CEP112: variants seen among roughly 807,000 people sequenced by gnomAD.
The protein encoded by CEP112 is centrosomal protein of 112 kDa.
CEP112 carries 127 observed loss-of-function variants against 153.0 expected under a neutral mutation model. The observed-to-expected ratio is 0.83, with a 90% CI of 0.72 to 0.96. The LOEUF (loss-of-function observed/expected upper bound fraction) is 0.96. CEP112 is among the 40% of genes least tolerant of loss of function. The pLI, the probability that CEP112 is intolerant of heterozygous loss-of-function variation, is 0.00. For synonymous variants in CEP112, 358 were observed against 374.4 expected, an observed-to-expected ratio of 0.96 and a Z score of 0.51; for missense variants, 1,089 against 1,101.2, an observed-to-expected ratio of 0.99 and a Z score of 0.16.
At chr17:65,741,487 G>T (rs1457892872) in intron 23 of CEP112, among the ~76,000 whole-genome samples, 1 of 150,226 alleles carries the variant, frequency 6.7e-6, no homozygotes, top group East Asian at 1.9e-4. Flanking sequence ...AAAACTGTAA[G>T]AATTAATAAC....
rs79623828 is a variant in CEP112, at chr17:65,864,802, G to A, written c.2164-12768C>T. ...AAAAACCTCCCAGATGAGTAAAGATGTAAAATGAACATCTAATTTCTCTAC... is the reference window on the plus strand; with the variant it reads ...AAAAACCTCCCAGATGAGTAAAGATATAAAATGAACATCTAATTTCTCTAC... On this transcript the variant is annotated intron_variant, in intron 20 of 26. Coordinates refer to ENST00000535342, the MANE Select transcript of CEP112 (RefSeq NM_001199165.4). 1.8e-3 allele frequency among the ~76,000 whole-genome samples: 269 copies of A among 152,174 alleles called. 1 individual carries two copies. The highest frequency in any genetic ancestry group is 6.1e-3 in the African/African-American group (255 of 41,508).
At chr17:65,928,930 G>A (rs1216263897) in intron 18 of CEP112, among the ~76,000 whole-genome samples, 1 of 152,120 alleles carries the variant, frequency 6.6e-6, no homozygotes, top group East Asian at 1.9e-4. Flanking sequence ...AGCCTTGACA[G>A]CATTAAGCTA....
At chr17:65,973,025 G>A (rs538348992) in intron 17 of CEP112, among the ~76,000 whole-genome samples, 30 of 152,266 alleles carry the variant, frequency 2.0e-4, no homozygotes, top group African/African-American at 5.1e-4. Flanking sequence ...CTTGGCCTCC[G>A]AAAGTCTTGG....
At chr17:65,669,896 T>C (rs1222751862) in intron 24 of CEP112, among the ~76,000 whole-genome samples, 8 of 132,876 alleles carry the variant, frequency 6.0e-5, no homozygotes, top group South Asian at 2.4e-4. Context: ...GAGCGAGACT[T>C]CGTCTTGAAA....
intron 20 of CEP112, among the ~76,000 whole-genome samples, chr17:65,855,621 G>T (rs1300400768): frequency 6.6e-6 from 1 of 152,164 alleles, no homozygotes; most frequent in African/African-American, 2.4e-5. Context: ...CTCTTCCCCA[G>T]TCAGGATATC....
intron 12 of CEP112, among the ~76,000 whole-genome samples, chr17:66,052,365 C>T (rs2066478943): frequency 6.6e-6 from 1 of 152,182 alleles, no homozygotes; most frequent in African/African-American, 2.4e-5. Flanking sequence ...ATGCACTGAA[C>T]ACGGACATGA....
intron 21 of CEP112, among the ~76,000 whole-genome samples, chr17:65,813,373 T>C (rs950473986): frequency 6.6e-6 from 1 of 152,092 alleles, no homozygotes; most frequent in African/African-American, 2.4e-5. Context: ...AGGAACCCAA[T>C]CAGAGCCTCG....
intron 23 of CEP112, among the ~76,000 whole-genome samples, chr17:65,734,259 C>T (rs1001076917): frequency 6.6e-6 from 1 of 152,188 alleles, no homozygotes; most frequent in Non-Finnish European, 1.5e-5. Flanking sequence ...TTACAAAGAA[C>T]TCATGGGCAT....
chr17:65,750,632 C>T, intron 22 of CEP112, 30 bp downstream of exon 22: 1 of 1,601,292 alleles, frequency 6.2e-7, no homozygotes, highest in Non-Finnish European at 8.6e-7. Flanking sequence ...TTTGGTTTTA[C>T]CCTGTTTTGT....
intron 23 of CEP112, among the ~76,000 whole-genome samples, chr17:65,702,945 C>T (rs1434782398): frequency 6.6e-6 from 1 of 152,146 alleles, no homozygotes; most frequent in Non-Finnish European, 1.5e-5. Context: ...CCTCCCATGA[C>T]ACGTGGGGAT....
intron 21 of CEP112, among the ~76,000 whole-genome samples, chr17:65,769,906 A>G (rs1461296766): frequency 6.6e-6 from 1 of 152,098 alleles, no homozygotes; most frequent in Admixed American, 6.6e-5. Flanking sequence ...ATGCCAGGGC[A>G]GAAACTGGAA....
chr17:65,919,594 A>G lies in CEP112; in HGVS notation c.1980+7988T>C, dbSNP rs148239509. 7.2e-4 allele frequency among the ~76,000 whole-genome samples: 110 copies of G among 152,292 alleles called. 1 individual carries two copies. Among genetic ancestry groups the G allele is most frequent in the South Asian group, 3.9e-3 (19 of 4,812 alleles). On this transcript the variant is annotated intron_variant, in intron 19 of 26. Coordinates refer to ENST00000535342, the MANE Select transcript of CEP112 (RefSeq NM_001199165.4). ...AATGAGTCAGCGGTGGAATCAGAGAAGTCGGTCTGTCAAGAGGGGCTGGGA... is the reference window on the plus strand; with the variant it reads ...AATGAGTCAGCGGTGGAATCAGAGAGGTCGGTCTGTCAAGAGGGGCTGGGA...
intron 1 of CEP112, among the ~76,000 whole-genome samples, chr17:66,185,915 T>C (rs1226111788): frequency 2.0e-5 from 3 of 152,198 alleles, no homozygotes; most frequent in East Asian, 1.9e-4. Flanking sequence ...AACCTCTTCA[T>C]AGAAAGTTCT....
intron 4 of CEP112, among the ~76,000 whole-genome samples, chr17:66,149,391 G>C (rs2071065609): frequency 6.6e-6 from 1 of 152,156 alleles, no homozygotes; most frequent in Admixed American, 6.5e-5. Context: ...TTTTTGAAAA[G>C]TTTGAAGAGG....
intron 20 of CEP112, among the ~76,000 whole-genome samples, chr17:65,884,148 ATGAATAC>A (rs894271663): frequency 2.6e-5 from 4 of 152,230 alleles, no homozygotes; most frequent in African/African-American, 9.6e-5. Flanking sequence ...TAACAGAAAC[ATGAATAC>A]AGAAAAAAAA....
chr17:66,134,769 C>T (rs1407691315), intron 4 of CEP112, among the ~76,000 whole-genome samples: 2 of 152,244 alleles, frequency 1.3e-5, no homozygotes, highest in South Asian at 4.1e-4. Context: ...CTACAGTGAG[C>T]TGTGATTGTT....
intron 18 of CEP112, among the ~76,000 whole-genome samples, chr17:65,952,378 T>G (rs2061864355): frequency 6.6e-6 from 1 of 152,040 alleles, no homozygotes; most frequent in African/African-American, 2.4e-5. Flanking sequence ...ACACTCAGTA[T>G]ATACTCTTCT....
At chr17:65,997,532 G>A (rs2063834095) in intron 17 of CEP112, among the ~76,000 whole-genome samples, 1 of 152,178 alleles carries the variant, frequency 6.6e-6, no homozygotes. Context: ...TCAGGACCTT[G>A]AGGAATCCTC....
chr17:65,743,407 A>G (rs1007169395), intron 22 of CEP112, among the ~76,000 whole-genome samples, 190 bp from the exon 23 acceptor site: 2 of 152,254 alleles, frequency 1.3e-5, no homozygotes, highest in Non-Finnish European at 2.9e-5. Flanking sequence ...AAAAATGTGA[A>G]TGGTGAACAA....
Sources: allele counts gnomAD v4.1 joint callset (sites outside exome capture counted in the v4.1 genomes callset), GRCh38; gene constraint gnomAD v4.1.1; transcripts MANE v1.5; gene names NCBI Gene and HGNC (gene_info 2026-07-23, HGNC 2026-07-21).